Variants in SPOCK1 observed in about 807,000 individuals in gnomAD.
SPOCK1 encodes the protein SPARC (osteonectin), cwcv and kazal like domains proteoglycan 1, also known as testican-1.
In SPOCK1, 23 loss-of-function variants were observed where a neutral mutation model predicts 55.3. The ratio of observed to expected loss-of-function variants is 0.42; its 90% CI spans 0.30 to 0.59. The LOEUF (loss-of-function observed/expected upper bound fraction) is 0.59, where lower values mean the gene tolerates loss of function less well. Ranked by LOEUF, SPOCK1 falls within the 20% of genes least tolerant of loss-of-function variation. The pLI, the probability that SPOCK1 is intolerant of heterozygous loss-of-function variation, is 0.22. For synonymous variants in SPOCK1, 226 were observed against 221.0 expected, an observed-to-expected ratio of 1.02 and a Z score of -0.20; for missense variants, 499 against 552.5, an observed-to-expected ratio of 0.90 and a Z score of 0.97.
intron 5 of SPOCK1, among the ~76,000 whole-genome samples, chr5:137,080,395 C>G (rs1752861489): frequency 6.6e-6 from 1 of 152,200 alleles, no homozygotes. Context: ...CAGGGCTGTG[C>G]TGACAATGGT....
At chr5:137,407,864 C>T (rs1240388282) in intron 2 of SPOCK1, among the ~76,000 whole-genome samples, 1 of 152,150 alleles carries the variant, frequency 6.6e-6, no homozygotes, top group Non-Finnish European at 1.5e-5. Context: ...TGGTGCTTTC[C>T]CCTATGCCTA....
intron 3 of SPOCK1, among the ~76,000 whole-genome samples, chr5:137,260,669 A>C (rs530079726): frequency 2.6e-5 from 4 of 152,362 alleles, no homozygotes; most frequent in African/African-American, 9.6e-5. Context: ...CAAAAGAGAA[A>C]ACATTCAATT....
chr5:137,106,645 C>T (rs980522371), intron 5 of SPOCK1, among the ~76,000 whole-genome samples: 3 of 152,122 alleles, frequency 2.0e-5, no homozygotes, highest in Admixed American at 2.0e-4. Context: ...TCCAGGCCTC[C>T]CTCACACCAG....
chr5:136,995,534 T>C (rs2347951), intron 6 of SPOCK1, among the ~76,000 whole-genome samples: 92,886 of 152,080 alleles, frequency 0.61, 30,302 homozygotes, highest in African/African-American at 0.83. Context: ...AGGTTGTGCA[T>C]TCCGTAGTCA....
chr5:137,283,595 G>A (rs1213861753), intron 2 of SPOCK1, among the ~76,000 whole-genome samples: 1 of 152,114 alleles, frequency 6.6e-6, no homozygotes, highest in Non-Finnish European at 1.5e-5. Flanking sequence ...TGCACCTGCA[G>A]TCCCAGCTAC....
chr5:136,993,472 C>A (rs1750987036), intron 6 of SPOCK1, among the ~76,000 whole-genome samples: 1 of 152,142 alleles, frequency 6.6e-6, no homozygotes, highest in African/African-American at 2.4e-5. Flanking sequence ...AGGGTCCAAG[C>A]AGTAGGCTGC....
chr5:137,210,182 C>T (rs2127081162), intron 3 of SPOCK1, among the ~76,000 whole-genome samples: 1 of 152,282 alleles, frequency 6.6e-6, no homozygotes, highest in East Asian at 1.9e-4. Flanking sequence ...AAATGAGTTT[C>T]AATTTCATTC....
At chr5:137,464,178 G>T (rs766980224) in intron 2 of SPOCK1, among the ~76,000 whole-genome samples, 2 of 151,988 alleles carry the variant, frequency 1.3e-5, no homozygotes, top group African/African-American at 4.8e-5. Context: ...GTGCAGGCCC[G>T]TAGTCCCAGC....
At position 137,196,267 on chromosome 5, in the gene SPOCK1, C is replaced by A. The variant is rs114951781; in HGVS notation, c.233-55573G>T. On this transcript the variant is annotated intron_variant, in intron 3 of 10. Coordinates refer to ENST00000394945, the MANE Select transcript of SPOCK1 (RefSeq NM_004598.4). ...ACTGCAGACTCCAAACCCCAGCTCT[C>A]CCTGCCCAAACCATTCCCCACATGG... Among the ~76,000 whole-genome samples, 865 of 152,310 alleles carry A rather than the reference C, an allele frequency of 5.7e-3. 9 individuals carry two copies. The highest frequency in any genetic ancestry group is 0.019 in the African/African-American group (810 of 41,568).
At chr5:137,456,186 T>G (rs1196013532) in intron 2 of SPOCK1, among the ~76,000 whole-genome samples, 1 of 152,200 alleles carries the variant, frequency 6.6e-6, no homozygotes, top group Admixed American at 6.5e-5. Flanking sequence ...GAGAAACTTC[T>G]GTAGCTGTCC....
chr5:137,211,001 C>T (rs556630044), intron 3 of SPOCK1, among the ~76,000 whole-genome samples: 85 of 152,332 alleles, frequency 5.6e-4, no homozygotes, highest in African/African-American at 2.0e-3. Flanking sequence ...TCTCAGCAGC[C>T]AACACACCAG....
chr5:137,465,159 C>T (rs1304798597), intron 2 of SPOCK1, among the ~76,000 whole-genome samples: 3 of 152,116 alleles, frequency 2.0e-5, no homozygotes, highest in Non-Finnish European at 4.4e-5. Context: ...TCATAAAATA[C>T]CTCCACAAGG....
chr5:137,035,796 T>G (rs1416745270), intron 6 of SPOCK1, among the ~76,000 whole-genome samples: 1 of 152,216 alleles, frequency 6.6e-6, no homozygotes, highest in Admixed American at 6.5e-5. Context: ...ACTACTCAAC[T>G]TGCCTTCTCT....
intron 2 of SPOCK1, among the ~76,000 whole-genome samples, chr5:137,400,236 G>A (rs998816787): frequency 1.3e-5 from 2 of 152,166 alleles, no homozygotes; most frequent in South Asian, 2.1e-4. Context: ...AGTATTCCAA[G>A]TACAGCCTCA....
Position 137,120,741 on chromosome 5 carries a change from A to C in SPOCK1, c.348-8180T>G, listed in dbSNP as rs114360194. On this transcript the variant is annotated intron_variant, in intron 4 of 10. Transcript: ENST00000394945. ...CTTGCGACCATGTATCACTGATCTA[A>C]ATTGTTCAAAATCTAAAAAGGAAAT... Among the ~76,000 whole-genome samples the C allele has an allele frequency of 2.7e-3, 416 of 152,284 alleles. 1 individual carries two copies. The highest frequency in any genetic ancestry group is 9.5e-3 in the African/African-American group (396 of 41,574).
At chr5:137,272,988 A>G (rs1434649) in intron 2 of SPOCK1, among the ~76,000 whole-genome samples, 102,880 of 151,494 alleles carry the variant, frequency 0.68, 35,422 homozygotes, top group African/African-American at 0.77. Flanking sequence ...AATCACCTTC[A>G]CCCTGAATAG....
chr5:137,295,067 C>A (rs2127133215), intron 2 of SPOCK1, among the ~76,000 whole-genome samples: 1 of 152,350 alleles, frequency 6.6e-6, no homozygotes, highest in African/African-American at 2.4e-5. Context: ...ACATCAGCTG[C>A]ATGAGGGCAG....
chr5:137,101,430 A>C (rs1202480075), intron 5 of SPOCK1, among the ~76,000 whole-genome samples: 1 of 152,246 alleles, frequency 6.6e-6, no homozygotes, highest in African/African-American at 2.4e-5. Context: ...GACAACAAGA[A>C]GGTATTCTTC....
rs1012195564 is a variant in SPOCK1, at chr5:136,978,504, G to A, written c.*150C>T. ...CATATGCAAAATCAGAATCCTCTGG[G>A]AACAAGCAGTTGTCTTCCAAACCTT... On this transcript the variant is annotated 3_prime_UTR_variant, in exon 11 of 11. Transcript: ENST00000394945. 6.0e-6 allele frequency: 4 copies of A among 665,212 alleles called. No homozygotes were observed. In the East Asian group the frequency reaches 9.0e-5, roughly 15 times the overall value. The allele number at this position is 665,212 out of a possible 1,614,324, so 41.2% of individuals were successfully genotyped here. A position where few individuals can be genotyped will look rare whatever the true frequency, so the allele number is the denominator to read the frequency against.
Sources: gnomAD v4.1 joint callset for allele counts (sites outside exome capture counted in the v4.1 genomes callset) on GRCh38, gnomAD v4.1.1 for gene constraint, MANE v1.5 for transcripts, NCBI Gene and HGNC (gene_info 2026-07-23, HGNC 2026-07-21) for gene names.